The following HSPH1 variants were observed in gnomAD, a reference collection of about 807,000 sequenced individuals.
HSPH1 encodes heat shock protein 105 kDa.
In HSPH1, 40 loss-of-function variants were observed where a neutral mutation model predicts 100.0. The observed-to-expected ratio is 0.40, with a 90% CI of 0.31 to 0.52. The LOEUF (loss-of-function observed/expected upper bound fraction) is 0.52, where lower values mean the gene tolerates loss of function less well. HSPH1 is among the 20% of genes least tolerant of loss of function. HSPH1 has a pLI of 0.54. For synonymous variants in HSPH1, 403 were observed against 344.0 expected (o/e 1.17, Z -1.90); for missense variants, 876 against 1,015.1 (o/e 0.86, Z 1.86).
chr13:31,146,503 T>C (rs576093050), intron 10 of HSPH1, among the ~76,000 whole-genome samples: 2 of 152,206 alleles, frequency 1.3e-5, no homozygotes, highest in Non-Finnish European at 2.9e-5. Context: ...AGCAAGCACA[T>C]GCTGAATTTT....
chr13:31,150,241 G>A (rs1000925685), intron 7 of HSPH1, 59 bp from the exon 8 acceptor site: 33 of 1,186,496 alleles, frequency 2.8e-5, no homozygotes, highest in Non-Finnish European at 1.8e-5. Flanking sequence ...TCCTACTTTT[G>A]ACAACCCAAT....
chr13:31,161,860 T>C lies in HSPH1; in HGVS notation c.-278A>G. 3 of 1,483,516 alleles carry C rather than the reference T, an allele frequency of 2.0e-6. No homozygotes were observed. The highest frequency in any genetic ancestry group is 2.2e-5 in the Admixed American group (1 of 45,494). 91.9% of individuals were successfully genotyped at this position (1,483,516 alleles called of 1,614,324 possible). A position where few individuals can be genotyped will look rare whatever the true frequency, so the allele number is the denominator to read the frequency against. On this transcript the variant is annotated 5_prime_UTR_variant, in exon 1 of 18. Coordinates refer to ENST00000320027, the MANE Select transcript of HSPH1 (RefSeq NM_006644.4). ...CCGCACCTCGGGTTGCCTGCCTCAC[T>C]CTGCCGCGGCTCGCACACCGGCGCC...
rs2280059 is a variant in HSPH1 at position 31,161,622 on chromosome 13, G to A, written c.-40C>T. 0.22 allele frequency: 347,293 copies of A among 1,605,354 alleles called. 39,190 individuals carry two copies. Among genetic ancestry groups the A allele is most frequent in the East Asian group, 0.35 (15,746 of 44,712 alleles). On this transcript the variant is annotated 5_prime_UTR_variant, in exon 1 of 18. Transcript: ENST00000320027. ...CCGCCTCCGCCTCGGGTCTCGGTCTGCGTCCTCCGGCCCCCTGCCTGCTTC... is the reference window on the plus strand; with the variant it reads ...CCGCCTCCGCCTCGGGTCTCGGTCTACGTCCTCCGGCCCCCTGCCTGCTTC...
chr13:31,155,428 A>C, intron 3 of HSPH1, 86 bp downstream of exon 3: 1 of 1,096,810 alleles, frequency 9.1e-7, no homozygotes, highest in Non-Finnish European at 1.3e-6. Flanking sequence ...TGGTGTAATT[A>C]AGAAATTTAA....
intron 11 of HSPH1, 39 bp from the exon 12 acceptor site, chr13:31,143,962 G>A: frequency 1.3e-6 from 2 of 1,491,734 alleles, no homozygotes; most frequent in Non-Finnish European, 1.8e-6. Flanking sequence ...GTAGAAAGCA[G>A]GTGTACTTGT....
At chr13:31,137,829 T>C (rs1027566109) in intron 17 of HSPH1, among the ~76,000 whole-genome samples, 2 of 152,180 alleles carry the variant, frequency 1.3e-5, no homozygotes, top group African/African-American at 4.8e-5. Flanking sequence ...AGAGGTTAAG[T>C]AACTTCAAGA....
intron 4 of HSPH1, 109 bp from the exon 5 acceptor site, chr13:31,153,060 C>G (rs1956545979): frequency 1.4e-6 from 1 of 700,278 alleles, no homozygotes; most frequent in Admixed American, 2.5e-5. Flanking sequence ...GGTGCCTCGC[C>G]AAGTCACAAA....
rs920116149 is a variant in HSPH1 at position 31,137,487 on chromosome 13, G to A, written c.2408C>T (p.Pro803Leu). 24 of 1,612,864 alleles carry A rather than the reference G, an allele frequency of 1.5e-5. No homozygotes were observed. Among genetic ancestry groups the A allele is most frequent in the African/African-American group, 4.0e-5 (3 of 74,710 alleles). ...NNTCEPVVTQPKPKIESPKLE... is the reference protein window; with the variant it reads ...NNTCEPVVTQLKPKIESPKLE... ...TTTGGGTGATTCAATTTTTGGTTTC[G>A]GTTGTGTTACAACGGGTTCACATGT... Residue 803 changes from proline (P) to leucine (L), a missense_variant, in exon 18 of 18, where the codon CCG becomes CTG. Physicochemically the swap from Pro to Leu is moderately conservative, Grantham distance 98. Transcript: ENST00000320027.
intron 12 of HSPH1, among the ~76,000 whole-genome samples, chr13:31,143,224 G>A (rs1265083127): frequency 6.6e-6 from 1 of 152,080 alleles, no homozygotes; most frequent in Non-Finnish European, 1.5e-5. Flanking sequence ...TTAAAGGTTT[G>A]ATTACAAACT....
At chr13:31,161,097 G>A (rs12856058) in intron 1 of HSPH1, among the ~76,000 whole-genome samples, 1 of 152,314 alleles carries the variant, frequency 6.6e-6, no homozygotes, top group South Asian at 2.1e-4. Context: ...GTGGGGATAC[G>A]GGGGCGGCCG....
intron 12 of HSPH1, among the ~76,000 whole-genome samples, chr13:31,143,301 C>CA (rs1466395435): frequency 6.6e-6 from 1 of 151,882 alleles, no homozygotes; most frequent in African/African-American, 2.4e-5. Flanking sequence ...GGAAGCAGGA[C>CA]AAAAAAATAA....
chr13:31,141,852 T>A (rs1419937649), intron 12 of HSPH1, among the ~76,000 whole-genome samples: 1 of 151,560 alleles, frequency 6.6e-6, no homozygotes, highest in Non-Finnish European at 1.5e-5. Flanking sequence ...CACCTTTGAA[T>A]TGTATCATTT....
intron 10 of HSPH1, among the ~76,000 whole-genome samples, chr13:31,147,122 T>C (rs1956290769): frequency 6.6e-6 from 1 of 152,150 alleles, no homozygotes; most frequent in Non-Finnish European, 1.5e-5. Flanking sequence ...CATGAAAAAT[T>C]AGATGCCATG....
rs746723113 is a variant in HSPH1, at chr13:31,138,333, T to C, written c.2370+74A>G. On this transcript the variant is annotated intron_variant, in intron 17 of 17. Coordinates refer to ENST00000320027, the MANE Select transcript of HSPH1 (RefSeq NM_006644.4). ...AAAAGATTTACAGGAAAAATGGCTA[T>C]GTTGAAGGTTCAAATGATTGCAACT... is the stretch of plus-strand genomic sequence containing the variant. The C allele has an allele frequency of 1.2e-5, 16 of 1,350,480 alleles. No individual in the cohort carries two copies. In the Middle Eastern group the frequency reaches 1.3e-3, roughly 107 times the overall value. 83.7% of individuals were successfully genotyped at this position (1,350,480 alleles called of 1,614,324 possible).
Position 31,137,306 on chromosome 13 carries a change from A to G in HSPH1, c.*12T>C. 2 of 1,546,852 alleles carry G rather than the reference A, an allele frequency of 1.3e-6. No homozygotes were observed. The highest frequency in any genetic ancestry group is 1.8e-6 in the Non-Finnish European group (2 of 1,124,538). On this transcript the variant is annotated 3_prime_UTR_variant, in exon 18 of 18. Coordinates refer to ENST00000320027, the MANE Select transcript of HSPH1 (RefSeq NM_006644.4). ...TTTTATTAATTGAAGGAATAGGCCA[A>G]TTTAAGGTTATCTAGTCCAAGTCCA...
rs1445921062 is a variant in HSPH1, at chr13:31,138,465, T to C, written c.2312A>G (p.Lys771Arg). 1 of 1,613,392 alleles carries C rather than the reference T, an allele frequency of 6.2e-7. No individual in the cohort carries two copies. Among genetic ancestry groups the C allele is most frequent in the East Asian group, 2.2e-5 (1 of 44,872 alleles). ...AACTGGATCCTGATCAAGACTCTTT[T>C]TAGCCTGAGCATTCATGACATTATT... is the stretch of plus-strand genomic sequence containing the variant. ...WMNNVMNAQA[K>R]KSLDQDPVVR... The change falls in exon 17 of 18, where the codon AAA becomes AGA. Residue 771 changes from lysine to arginine, a missense_variant. Coordinates refer to ENST00000320027, the MANE Select transcript of HSPH1 (RefSeq NM_006644.4).
intron 11 of HSPH1, among the ~76,000 whole-genome samples, chr13:31,145,030 C>T (rs1228365176): frequency 1.3e-5 from 2 of 152,124 alleles, no homozygotes; most frequent in African/African-American, 4.8e-5. Context: ...CTGTTGACCA[C>T]ACAGAACTAG....
At position 31,152,853 on chromosome 13, in the gene HSPH1, A is replaced by G; in HGVS notation, c.528T>C (p.Ala176=). Residue 176 remains alanine (A), a splice_region_variant and synonymous_variant, in exon 5 of 18, where the codon GCT becomes GCC. Coordinates refer to ENST00000320027, the MANE Select transcript of HSPH1 (RefSeq NM_006644.4). ...NCLRLMNDMT[A]VALNYGIYKQ... is the part of the protein sequence containing the mutation. ...TCCACACAAATGCCTTTTCCTTACC[A>G]GCTGTCATGTCATTCATAAGTCTTA... is the stretch of plus-strand genomic sequence containing the variant. 6.2e-7 allele frequency: 1 copy of G among 1,601,372 alleles called. No individual in the cohort carries two copies. Among genetic ancestry groups the G allele is most frequent in the Middle Eastern group, 1.7e-4 (1 of 6,024 alleles).
chr13:31,144,813 C>T (rs1474096400), intron 11 of HSPH1, among the ~76,000 whole-genome samples: 2 of 152,048 alleles, frequency 1.3e-5, no homozygotes, highest in African/African-American at 4.8e-5. Context: ...CATTACTGTA[C>T]ATTAGAATTT....
Sources: allele counts gnomAD v4.1 joint callset (sites outside exome capture counted in the v4.1 genomes callset), GRCh38; gene constraint gnomAD v4.1.1; transcripts MANE v1.5; gene names NCBI Gene and HGNC (gene_info 2026-07-23, HGNC 2026-07-21).